MYO18B: variants seen among roughly 807,000 people sequenced by gnomAD.
The protein encoded by MYO18B is unconventional myosin-XVIIIb.
Under a neutral mutation model 273.0 loss-of-function variants are expected in MYO18B, and 204 were observed. That is an observed-to-expected ratio of 0.75 (90% CI 0.67 to 0.84). MYO18B has a LOEUF of 0.84. Among genes scored for constraint, MYO18B ranks in the 40% least tolerant of loss-of-function variants. The probability of loss-of-function intolerance (pLI) is 0.00; values close to 1 mark genes in which losing one functional copy is unlikely to be tolerated. For synonymous variants in MYO18B, 1,330 were observed against 1,305.7 expected (o/e 1.02, Z -0.40); for missense variants, 3,212 against 3,287.6 (o/e 0.98, Z 0.56).
chr22:25,913,091 T>C (rs968776519), intron 33 of MYO18B, among the ~76,000 whole-genome samples: 1 of 152,132 alleles, frequency 6.6e-6, no homozygotes, highest in Admixed American at 6.5e-5. Context: ...GGCGAGTGTC[T>C]CTCCAGGGTA....
chr22:25,819,748 AAAG>A (rs1226012525), intron 12 of MYO18B, among the ~76,000 whole-genome samples: 2 of 152,148 alleles, frequency 1.3e-5, no homozygotes, highest in Non-Finnish European at 2.9e-5. Context: ...ATATGGCAAA[AAAG>A]ATGATATTTG....
chr22:25,868,464 A>G (rs1569130802), intron 22 of MYO18B, 79 bp downstream of exon 22: 2 of 1,186,210 alleles, frequency 1.7e-6, no homozygotes, highest in Non-Finnish European at 2.4e-6. Context: ...TCCTACCTCA[A>G]TTGTCTATTA....
At chr22:25,990,773 A>G (rs557380498) in intron 39 of MYO18B, among the ~76,000 whole-genome samples, 1 of 147,066 alleles carries the variant, frequency 6.8e-6, no homozygotes, top group Non-Finnish European at 1.5e-5. Context: ...TGAGCCATTC[A>G]TTTTCACTTA....
intron 21 of MYO18B, among the ~76,000 whole-genome samples, chr22:25,853,064 A>G (rs1377518295): frequency 1.3e-5 from 2 of 152,242 alleles, no homozygotes; most frequent in African/African-American, 4.8e-5. Context: ...ATGTAATAGT[A>G]TAGTTCATGT....
chr22:25,769,475 T>C, intron 4 of MYO18B, 47 bp downstream of exon 4: 1 of 1,435,190 alleles, frequency 7.0e-7, no homozygotes. Flanking sequence ...GACAGGCCTC[T>C]CCAGAGATGC....
At chr22:25,827,010 C>T (rs113443760) in intron 14 of MYO18B, among the ~76,000 whole-genome samples, 128 of 152,228 alleles carry the variant, frequency 8.4e-4, no homozygotes, top group African/African-American at 3.0e-3. Context: ...TTCAGTGAGC[C>T]GAGATCGCGC....
At chr22:26,017,031 TCCTTCCTTCC>T (rs1433070948) in intron 42 of MYO18B, among the ~76,000 whole-genome samples, 4 of 25,244 alleles carry the variant, frequency 1.6e-4, no homozygotes, top group African/African-American at 1.4e-3. Context: ...CTAATTTCCT[TCCTTCCTTCC>T]TTCCTTCCTT....
At chr22:25,939,977 G>A (rs2092624803) in intron 34 of MYO18B, among the ~76,000 whole-genome samples, 1 of 152,210 alleles carries the variant, frequency 6.6e-6, no homozygotes, top group Non-Finnish European at 1.5e-5. Context: ...CATGAAAAGT[G>A]TTCAGAGCAG....
intron 42 of MYO18B, among the ~76,000 whole-genome samples, chr22:26,008,858 C>T (rs1490961867): frequency 6.6e-6 from 1 of 152,174 alleles, no homozygotes; most frequent in Non-Finnish European, 1.5e-5. Flanking sequence ...GGCAGTGAGG[C>T]TCTCCCAACT....
At chr22:25,930,664 A>G (rs960061213) in intron 34 of MYO18B, among the ~76,000 whole-genome samples, 6 of 151,700 alleles carry the variant, frequency 4.0e-5, no homozygotes, top group African/African-American at 1.5e-4. Flanking sequence ...GCTAGAGACA[A>G]AGTTTCTCTG....
chr22:25,877,699 C>A (rs1445593326), intron 24 of MYO18B, among the ~76,000 whole-genome samples: 2 of 152,086 alleles, frequency 1.3e-5, no homozygotes, highest in Admixed American at 1.3e-4. Flanking sequence ...AACTCCTGAC[C>A]TCAGGTGATC....
At chr22:25,991,890 G>GT (rs1225221320) in intron 39 of MYO18B, among the ~76,000 whole-genome samples, 1 of 145,594 alleles carries the variant, frequency 6.9e-6, no homozygotes, top group Non-Finnish European at 1.5e-5. Context: ...GGACAGCAAG[G>GT]TGGGGGTGTT....
At chr22:25,971,946 C>CAA (rs112080760) in intron 39 of MYO18B, among the ~76,000 whole-genome samples, 1 of 143,846 alleles carries the variant, frequency 7.0e-6, no homozygotes, top group Non-Finnish European at 1.5e-5. Context: ...CCTGAAAGGG[C>CAA]AAAAAAAAAA....
At chr22:25,878,125 A>T (rs1488745341) in intron 25 of MYO18B, 77 bp downstream of exon 25, 32 of 1,155,772 alleles carry the variant, frequency 2.8e-5, no homozygotes, top group Non-Finnish European at 3.6e-5. Context: ...GAGAACAATG[A>T]TATGCCTGAA....
chr22:25,761,453 C>T (rs2086314252), intron 2 of MYO18B, among the ~76,000 whole-genome samples: 1 of 152,018 alleles, frequency 6.6e-6, no homozygotes, highest in South Asian at 2.1e-4. Flanking sequence ...CTGATGAGCA[C>T]TGGAGTTTGG....
intron 33 of MYO18B, 109 bp from the exon 34 acceptor site, chr22:25,921,148 G>A (rs768285840): frequency 2.6e-5 from 29 of 1,126,438 alleles, no homozygotes; most frequent in Non-Finnish European, 3.5e-5. Context: ...AAGGTCACAC[G>A]GTGTGAGTGG....
rs188720039 is a variant in MYO18B, at chr22:25,847,524, C to T, written c.3647C>T (p.Ser1216Phe). Residue 1216 changes from serine (S) to phenylalanine (F), a missense_variant, in exon 20 of 44, where the codon TCT becomes TTT. Physicochemically the swap from Ser to Phe is radical, Grantham distance 155. Transcript: ENST00000335473. ...GTGGAAAGCAGGAGTGGGCAGGAAT[C>T]TCCACCACCACCGCAGCCTGGTAGA... ...PVVESRSGQE[S>F]PPPPQPGRDK... 17 of 1,577,250 alleles carry T rather than the reference C, an allele frequency of 1.1e-5. No individual in the cohort carries two copies. In the Admixed American group the frequency reaches 2.9e-4, roughly 27 times the overall value.
At chr22:25,974,499 A>G (rs566897347) in intron 39 of MYO18B, among the ~76,000 whole-genome samples, 2 of 152,304 alleles carry the variant, frequency 1.3e-5, no homozygotes, top group African/African-American at 4.8e-5. Flanking sequence ...ATTTTAGAAC[A>G]GGGGCCAGTC....
intron 10 of MYO18B, 49 bp downstream of exon 10, chr22:25,781,883 G>A (rs777871878): frequency 2.6e-5 from 33 of 1,285,846 alleles, no homozygotes; most frequent in Non-Finnish European, 3.3e-5. Context: ...GCGACAAAGG[G>A]CACATGTTCT....
Sources: gnomAD v4.1 joint callset for allele counts (sites outside exome capture counted in the v4.1 genomes callset) on GRCh38, gnomAD v4.1.1 for gene constraint, MANE v1.5 for transcripts, NCBI Gene and HGNC (gene_info 2026-07-23, HGNC 2026-07-21) for gene names.